ADI1: variants seen among roughly 807,000 people sequenced by gnomAD.
The protein encoded by ADI1 is acireductone dioxygenase 1, also known as acireductone dioxygenase.
ADI1 carries 21 observed loss-of-function variants against 18.7 expected under a neutral mutation model. The ratio of observed to expected loss-of-function variants is 1.13; its 90% CI spans 0.80 to 1.62. The LOEUF is 1.62. Among genes scored for constraint, ADI1 ranks in the 40% most tolerant of loss-of-function variants. The pLI is 0.00. For missense variants in ADI1, 245 were observed against 254.9 expected (o/e 0.96, Z 0.26); for synonymous variants, 90 against 100.1 (o/e 0.90, Z 0.60).
chr2:3,519,205 C>T, intron 1 of ADI1, 163 bp downstream of exon 1: 3 of 1,102,854 alleles, frequency 2.7e-6, no homozygotes, highest in Non-Finnish European at 3.5e-6. Context: ...GCAGCCCACC[C>T]CAGGCACCGG....
At chr2:3,517,442 TC>T (rs1667433946) in intron 1 of ADI1, 1 of 152,322 alleles carries the variant, frequency 6.6e-6, no homozygotes, top group African/African-American at 2.4e-5. Flanking sequence ...AATTTTGTCT[TC>T]CAACAGCACT....
chr2:3,514,345 C>A (rs1468833676), intron 1 of ADI1, among the ~76,000 whole-genome samples: 1 of 152,176 alleles, frequency 6.6e-6, no homozygotes. Context: ...CTCATTGATC[C>A]TCAATGCCAT....
At chr2:3,503,473 G>A (rs959753236) in intron 2 of ADI1, among the ~76,000 whole-genome samples, 1 of 107,618 alleles carries the variant, frequency 9.3e-6, no homozygotes, top group African/African-American at 7.3e-5. Flanking sequence ...TCACACGTGT[G>A]CATTCACACT....
chr2:3,514,262 C>T (rs566840329), intron 1 of ADI1, among the ~76,000 whole-genome samples: 3 of 152,318 alleles, frequency 2.0e-5, no homozygotes, highest in South Asian at 4.1e-4. Context: ...AGTCTCACCA[C>T]CTCAGGCCTT....
At chr2:3,501,159 C>A (rs751769352) in intron 2 of ADI1, among the ~76,000 whole-genome samples, 166 bp from the exon 3 acceptor site, 21 of 152,196 alleles carry the variant, frequency 1.4e-4, no homozygotes, top group Non-Finnish European at 3.1e-4. Context: ...CCTAACAGTA[C>A]AAGGGCCAGA....
intron 2 of ADI1, among the ~76,000 whole-genome samples, chr2:3,502,677 C>T (rs1025195566): frequency 3.9e-5 from 6 of 152,040 alleles, no homozygotes; most frequent in Admixed American, 2.0e-4. Flanking sequence ...CTCGAACTCT[C>T]GTCCTTGGGT....
At chr2:3,500,016 G>A (rs1011159614) in intron 3 of ADI1, among the ~76,000 whole-genome samples, 1 of 148,376 alleles carries the variant, frequency 6.7e-6, no homozygotes, top group Non-Finnish European at 1.5e-5. Flanking sequence ...ATTGAGCCGA[G>A]ATCAAGCCAC....
intron 1 of ADI1, chr2:3,516,110 A>C: frequency 1.1e-6 from 1 of 941,934 alleles, no homozygotes. Flanking sequence ...CACAAATGTG[A>C]TAGTATTAAG....
At chr2:3,502,011 A>G (rs925485401) in intron 2 of ADI1, among the ~76,000 whole-genome samples, 8 of 98,064 alleles carry the variant, frequency 8.2e-5, no homozygotes, top group African/African-American at 7.6e-4. Flanking sequence ...CCACACACAC[A>G]CACACACACA....
chr2:3,498,881 C>A lies in ADI1; in HGVS notation c.*82G>T. On this transcript the variant is annotated 3_prime_UTR_variant, in exon 4 of 4. Transcript: ENST00000327435. ...TAGCCTCAAGGCTATCCTCTAAAAG[C>A]AAAGAGAAAGTGATTGATTTTCTGC... 1 of 1,510,458 alleles carries A rather than the reference C, an allele frequency of 6.6e-7. No homozygotes were observed. Among genetic ancestry groups the A allele is most frequent in the South Asian group, 1.3e-5 (1 of 76,658 alleles). 93.6% of individuals were successfully genotyped at this position (1,510,458 alleles called of 1,614,324 possible).
intron 1 of ADI1, among the ~76,000 whole-genome samples, chr2:3,518,824 G>C (rs115797816): frequency 1.3e-5 from 2 of 152,178 alleles, no homozygotes; most frequent in Non-Finnish European, 2.9e-5. Flanking sequence ...CTCGCAGCCC[G>C]CCTCCGGCGA....
intron 2 of ADI1, among the ~76,000 whole-genome samples, chr2:3,509,839 TA>T (rs58123852): frequency 3.1e-3 from 439 of 139,806 alleles, no homozygotes; most frequent in Middle Eastern, 3.7e-3. Context: ...TACAAAAAAT[TA>T]AAAAAAAAAA....
At chr2:3,518,488 C>T (rs868440010) in intron 1 of ADI1, among the ~76,000 whole-genome samples, 1 of 152,232 alleles carries the variant, frequency 6.6e-6, no homozygotes, top group African/African-American at 2.4e-5. Flanking sequence ...TGGACTGGTG[C>T]TGTGCAAGCA....
chr2:3,505,620 C>T (rs1354856238), intron 2 of ADI1, among the ~76,000 whole-genome samples: 1 of 152,216 alleles, frequency 6.6e-6, no homozygotes, highest in Non-Finnish European at 1.5e-5. Flanking sequence ...GCTCAGCCAG[C>T]CAGATCCCAG....
intron 2 of ADI1, among the ~76,000 whole-genome samples, chr2:3,508,807 G>T (rs1166888265): frequency 1.3e-5 from 2 of 152,086 alleles, no homozygotes; most frequent in Non-Finnish European, 2.9e-5. Context: ...GGGAGGCTGA[G>T]ATGGGAGGAT....
intron 1 of ADI1, among the ~76,000 whole-genome samples, chr2:3,518,225 T>C (rs1490150903): frequency 6.6e-6 from 1 of 152,248 alleles, no homozygotes; most frequent in Non-Finnish European, 1.5e-5. Context: ...ATGCCAATTG[T>C]CACTTCCCTC....
intron 2 of ADI1, among the ~76,000 whole-genome samples, chr2:3,506,338 G>C (rs2103207112): frequency 6.6e-6 from 1 of 152,306 alleles, no homozygotes; most frequent in African/African-American, 2.4e-5. Context: ...GAACTAACAA[G>C]CAATCATGGC....
intron 1 of ADI1, chr2:3,515,986 G>A: frequency 1.0e-6 from 1 of 985,270 alleles, no homozygotes; most frequent in African/African-American, 1.7e-5. Flanking sequence ...TGCATGATAT[G>A]CACAGTACTA....
At chr2:3,502,326 C>T (rs1667041537) in intron 2 of ADI1, among the ~76,000 whole-genome samples, 1 of 152,238 alleles carries the variant, frequency 6.6e-6, no homozygotes, top group African/African-American at 2.4e-5. Flanking sequence ...CCACTGCCCC[C>T]AGCCTACCTT....
Sources: gnomAD v4.1 joint callset for allele counts (sites outside exome capture counted in the v4.1 genomes callset) on GRCh38, gnomAD v4.1.1 for gene constraint, MANE v1.5 for transcripts, NCBI Gene and HGNC (gene_info 2026-07-23, HGNC 2026-07-21) for gene names.